ARFGAP1: variants seen among roughly 807,000 people sequenced by gnomAD.
The protein encoded by ARFGAP1 is ARF GTPase activating protein 1, also known as ADP-ribosylation factor GTPase-activating protein 1.
ARFGAP1 carries 26 observed loss-of-function variants against 54.0 expected under a neutral mutation model. That is an observed-to-expected ratio of 0.48 (90% confidence interval 0.35 to 0.67). The LOEUF (loss-of-function observed/expected upper bound fraction) is 0.67, where lower values mean the gene tolerates loss of function less well. Among genes scored for constraint, ARFGAP1 ranks in the 30% least tolerant of loss-of-function variants. ARFGAP1 has a pLI of 0.00. For missense variants in ARFGAP1, 525 were observed against 535.8 expected, an observed-to-expected ratio of 0.98 and a Z score of 0.20; for synonymous variants, 248 against 211.9, an observed-to-expected ratio of 1.17 and a Z score of -1.48.
intron 1 of ARFGAP1, among the ~76,000 whole-genome samples, chr20:63,274,546 T>C (rs908857034): frequency 1.1e-4 from 17 of 152,062 alleles, no homozygotes; most frequent in African/African-American, 4.1e-4. Context: ...GTTCAGCGTG[T>C]TCTCTGTGTA....
rs1450649700 is a variant in ARFGAP1 at position 63,287,881 on chromosome 20, TGCGCCCCCGTCCCCA to T, written c.*18_*32del. On this transcript the variant is annotated 3_prime_UTR_variant, in exon 13 of 13. Coordinates refer to ENST00000370283, the MANE Select transcript of ARFGAP1 (RefSeq NM_018209.4). The stretch of plus-strand genomic sequence containing the variant: ...GACAACCAGAACTGGTAGGGCCCAC[TGCGCCCCCGTCCCCA>T]GCGCCCCCGGGCGACTTCGTGTTTG... 1 of 1,512,960 alleles carries T rather than the reference TGCGCCCCCGTCCCCA, an allele frequency of 6.6e-7. No individual in the cohort carries two copies. Among genetic ancestry groups the T allele is most frequent in the South Asian group, 1.2e-5 (1 of 81,212 alleles). The allele number at this position is 1,512,960 out of a possible 1,614,324, so 93.7% of individuals were successfully genotyped here.
Position 63,286,356 on chromosome 20 carries a change from C to T in ARFGAP1, c.835-10C>T. 6.2e-7 allele frequency: 1 copy of T among 1,613,254 alleles called. No homozygotes were observed. Among genetic ancestry groups the T allele is most frequent in the South Asian group, 1.1e-5 (1 of 91,082 alleles). On this transcript the variant is annotated splice_polypyrimidine_tract_variant and intron_variant, in intron 11 of 12. Transcript: ENST00000370283. ...GGGCCTGCCTAACCTCTCTTCCCGT[C>T]TCCTTCCAGGTCCAGGGAGTCGGTA... is the stretch of plus-strand genomic sequence containing the variant.
At chr20:63,273,708 G>A (rs769935011) in intron 1 of ARFGAP1, among the ~76,000 whole-genome samples, 16 of 152,198 alleles carry the variant, frequency 1.1e-4, no homozygotes, top group Non-Finnish European at 1.6e-4. Context: ...GTCTCCTCAT[G>A]GTTCTGACTT....
At position 63,288,993 on chromosome 20, in the gene ARFGAP1, G is replaced by A; in HGVS notation, c.*1120G>A. The A allele has an allele frequency of 5.1e-6, 1 of 196,530 alleles. No homozygotes were observed. Among genetic ancestry groups the A allele is most frequent in the Non-Finnish European group, 1.1e-5 (1 of 93,748 alleles). 12.2% of individuals were successfully genotyped at this position (196,530 alleles called of 1,614,324 possible). A position where few individuals can be genotyped will look rare whatever the true frequency, so the allele number is the denominator to read the frequency against. On this transcript the variant is annotated 3_prime_UTR_variant, in exon 13 of 13. Transcript: ENST00000370283. ...CCCGGTCGCCGTCTGCAGCACTCCT[G>A]GAGCAGCCTGGGCCCTTCAGCCCCT...
intron 6 of ARFGAP1, 140 bp from the exon 7 acceptor site, chr20:63,278,759 A>G: frequency 3.3e-6 from 2 of 602,844 alleles, no homozygotes; most frequent in Non-Finnish European, 5.9e-6. Flanking sequence ...CTGCCACAGG[A>G]GGCAGCGTGC....
rs562611732 is a variant in ARFGAP1, at chr20:63,276,769, C to G, written c.342+118C>G. 1 of 1,204,074 alleles carries G rather than the reference C, an allele frequency of 8.3e-7. No homozygotes were observed. The highest frequency in any genetic ancestry group is 2.6e-5 in the East Asian group (1 of 38,846). 74.6% of individuals were successfully genotyped at this position (1,204,074 alleles called of 1,614,324 possible). On this transcript the variant is annotated intron_variant, in intron 4 of 12. Transcript: ENST00000370283. This position sits in a 1 kb window ranked among gnomAD's most constrained non-coding sequence, Gnocchi z 5.2. ...GGTTCTTCTGCTGGTTCTGACACACCCACTGGGCCACACACAACTTGCCGC... is the reference window on the plus strand; with the variant it reads ...GGTTCTTCTGCTGGTTCTGACACACGCACTGGGCCACACACAACTTGCCGC...
intron 9 of ARFGAP1, chr20:63,283,509 G>T (rs565756989): frequency 2.9e-5 from 10 of 348,130 alleles, no homozygotes; most frequent in African/African-American, 1.7e-4. Context: ...CTGGGCGAGG[G>T]TGTCCTTTCT....
chr20:63,288,180 CCTGTGA>C lies in ARFGAP1; in HGVS notation c.*311_*316del. The C allele has an allele frequency of 5.2e-6, 3 of 581,678 alleles. No individual in the cohort carries two copies. In the South Asian group the frequency reaches 5.3e-5, roughly 10 times the overall value. The allele number at this position is 581,678 out of a possible 1,614,324, so 36.0% of individuals were successfully genotyped here. ...TGGGAGGTGGGCTGCAGCACAGAGG[CCTGTGA>C]CTGCGTTCCAGCGGCCAGTTCACTA... On this transcript the variant is annotated 3_prime_UTR_variant, in exon 13 of 13. Coordinates refer to ENST00000370283, the MANE Select transcript of ARFGAP1 (RefSeq NM_018209.4).
In ARFGAP1 at chr20:63,285,946, C is replaced by G. The variant is rs555575379; in HGVS notation, c.834+233C>G. The G allele has an allele frequency of 6.0e-6, 9 of 1,496,394 alleles. No individual in the cohort carries two copies. In the South Asian group the frequency reaches 1.2e-4, roughly 19 times the overall value. The allele number at this position is 1,496,394 out of a possible 1,614,324, so 92.7% of individuals were successfully genotyped here. On this transcript the variant is annotated intron_variant, in intron 11 of 12. Coordinates refer to ENST00000370283, the MANE Select transcript of ARFGAP1 (RefSeq NM_018209.4). ...CTGTCACTTCTCCCTCTGCTCTTAT[C>G]TTGCTGCTGCTGGCCTTTTCCTCGG... is the stretch of plus-strand genomic sequence containing the variant.
chr20:63,277,326 C>T (rs1023547490), intron 5 of ARFGAP1, 21 bp downstream of exon 5: 1 of 1,600,622 alleles, frequency 6.2e-7, no homozygotes, highest in Non-Finnish European at 8.5e-7. Flanking sequence ...CTCGTGGGGC[C>T]TTAGTACAGT....
Position 63,279,431 on chromosome 20 carries a change from C to A in ARFGAP1, c.627+436C>A, listed in dbSNP as rs559649086. The A allele has an allele frequency of 1.5e-3, 524 of 338,652 alleles. 4 individuals carry two copies. Among genetic ancestry groups the A allele is most frequent in the Middle Eastern group, 0.013 (12 of 932 alleles). 21.0% of individuals were successfully genotyped at this position (338,652 alleles called of 1,614,324 possible). A position where few individuals can be genotyped will look rare whatever the true frequency, so the allele number is the denominator to read the frequency against. ...AGGTTGGCCAGGTTGGTTTCGAACT[C>A]CTGACTTCAGGTGATCTGTCCGCCT... On this transcript the variant is annotated intron_variant, in intron 7 of 12. Coordinates refer to ENST00000370283, the MANE Select transcript of ARFGAP1 (RefSeq NM_018209.4).
At chr20:63,285,750 C>T in intron 11 of ARFGAP1, 37 bp downstream of exon 11, 1 of 1,604,834 alleles carries the variant, frequency 6.2e-7, no homozygotes, top group Non-Finnish European at 8.5e-7. Flanking sequence ...ACAGTCGAAG[C>T]CAGTCTCCAT....
At chr20:63,281,188 G>A (rs1254940772) in intron 7 of ARFGAP1, 103 bp from the exon 8 acceptor site, 4 of 1,286,222 alleles carry the variant, frequency 3.1e-6, no homozygotes, top group Non-Finnish European at 4.3e-6. Flanking sequence ...CGGGGGCCTG[G>A]GGCAGCCTCT....
chr20:63,282,054 C>T (rs983208952), intron 8 of ARFGAP1, among the ~76,000 whole-genome samples: 5 of 152,002 alleles, frequency 3.3e-5, no homozygotes, highest in African/African-American at 1.2e-4. Context: ...CAGCGCTCAC[C>T]TGTCACATGC....
intron 11 of ARFGAP1, chr20:63,286,030 G>A (rs776789637): frequency 6.5e-6 from 10 of 1,546,800 alleles, no homozygotes; most frequent in Non-Finnish European, 8.7e-6. Context: ...CGGGCCATTT[G>A]GGGCGTGCAT....
chr20:63,284,601 T>G, intron 9 of ARFGAP1: 10 of 1,317,746 alleles, frequency 7.6e-6, no homozygotes, highest in East Asian at 3.4e-5. Flanking sequence ...CAGGGCCGCA[T>G]GGTGGCGCGT....
intron 9 of ARFGAP1, chr20:63,283,853 T>C: frequency 6.2e-7 from 1 of 1,613,774 alleles, no homozygotes; most frequent in South Asian, 1.1e-5. Flanking sequence ...GGGTAAAGTT[T>C]TGGGGTCACA....
chr20:63,286,288 G>A (rs1193202255), intron 11 of ARFGAP1, 78 bp from the exon 12 acceptor site: 74 of 1,597,370 alleles, frequency 4.6e-5, no homozygotes, highest in Non-Finnish European at 5.1e-5. Context: ...GGCGCGTGCC[G>A]GCTTGCGTGT....
At chr20:63,281,023 GA>G (rs1258119860) in intron 7 of ARFGAP1, among the ~76,000 whole-genome samples, 1 of 152,164 alleles carries the variant, frequency 6.6e-6, no homozygotes, top group African/African-American at 2.4e-5. Context: ...CTTGCTTCTT[GA>G]GGGTGGTGGG....
Sources: allele counts gnomAD v4.1 joint callset (sites outside exome capture counted in the v4.1 genomes callset), GRCh38; gene constraint gnomAD v4.1.1; non-coding constraint Gnocchi (gnomAD v3.1); transcripts MANE v1.5; gene names NCBI Gene and HGNC (gene_info 2026-07-23, HGNC 2026-07-21).